HYKK: variants seen among roughly 807,000 people sequenced by gnomAD.
HYKK encodes hydroxylysine kinase.
Under a neutral mutation model 29.7 loss-of-function variants are expected in HYKK, and 19 were observed. The ratio of observed to expected loss-of-function variants is 0.64; its 90% confidence interval spans 0.45 to 0.94. The LOEUF (loss-of-function observed/expected upper bound fraction) is 0.94, where lower values mean the gene tolerates loss of function less well. Among genes scored for constraint, HYKK ranks in the 40% least tolerant of loss-of-function variants. The pLI, the probability that HYKK is intolerant of heterozygous loss-of-function variation, is 0.00. For missense variants in HYKK, 390 were observed against 443.4 expected (o/e 0.88, Z 1.08); for synonymous variants, 152 against 158.1 (o/e 0.96, Z 0.29).
At chr15:78,525,205 G>A (rs1370878816) in intron 3 of HYKK, among the ~76,000 whole-genome samples, 5 of 150,230 alleles carry the variant, frequency 3.3e-5, no homozygotes, top group East Asian at 2.0e-4. Flanking sequence ...GCCCAGGCTG[G>A]AGTGCAGTGG....
At chr15:78,525,289 G>A (rs1400557732) in intron 3 of HYKK, among the ~76,000 whole-genome samples, 2 of 151,316 alleles carry the variant, frequency 1.3e-5, no homozygotes, top group African/African-American at 2.4e-5. Context: ...CCAAGTAGCT[G>A]GGACTACAGG....
rs962227287 is a variant in HYKK, at chr15:78,534,217, A to C, written c.*547A>C. On this transcript the variant is annotated 3_prime_UTR_variant, in exon 5 of 5. Transcript: ENST00000388988. ...GAGCTACTGAGGGCGGAGACCATGTAAAACTTATTTTTGTCTCCTCAGCCC... is the reference window on the plus strand; with the variant it reads ...GAGCTACTGAGGGCGGAGACCATGTCAAACTTATTTTTGTCTCCTCAGCCC... The C allele has an allele frequency of 1.3e-5, 2 of 150,972 alleles. No individual in the cohort carries two copies. The highest frequency in any genetic ancestry group is 2.1e-4 in the South Asian group (1 of 4,782). The allele number at this position is 150,972 out of a possible 1,614,324, so 9.4% of individuals were successfully genotyped here.
intron 3 of HYKK, among the ~76,000 whole-genome samples, chr15:78,516,482 A>T (rs1020585815): frequency 6.6e-6 from 1 of 151,288 alleles, no homozygotes; most frequent in Non-Finnish European, 1.5e-5. Flanking sequence ...GGTAGCTGGG[A>T]CTACAGGCGT....
At chr15:78,522,070 A>C (rs2052202950) in intron 3 of HYKK, among the ~76,000 whole-genome samples, 1 of 150,968 alleles carries the variant, frequency 6.6e-6, no homozygotes, top group Non-Finnish European at 1.5e-5. Context: ...ACAGCCTCCC[A>C]ACTAGTTGGT....
intron 1 of HYKK, among the ~76,000 whole-genome samples, chr15:78,509,651 T>C (rs1007255788): frequency 6.6e-6 from 1 of 152,190 alleles, no homozygotes; most frequent in African/African-American, 2.4e-5. Flanking sequence ...TCAGTCCATA[T>C]TGCATTTTGA....
intron 1 of HYKK, among the ~76,000 whole-genome samples, chr15:78,508,859 C>T (rs1190442009): frequency 7.9e-6 from 1 of 127,318 alleles, no homozygotes; most frequent in African/African-American, 3.0e-5. Context: ...GCCTGGGCAA[C>T]ATAGTGGGAC....
intron 1 of HYKK, among the ~76,000 whole-genome samples, chr15:78,507,893 A>G (rs1322667829): frequency 2.6e-5 from 4 of 152,192 alleles, no homozygotes; most frequent in Non-Finnish European, 5.9e-5. Context: ...CTGGGCCCCC[A>G]GAATGAAAGC....
At chr15:78,537,238 G>A (rs2052370358), downstream of HYKK, 1 of 524,314 alleles carries the variant, frequency 1.9e-6, no homozygotes, top group Non-Finnish European at 3.6e-6. Context: ...CCATTGATTC[G>A]GTTTCTCTGG....
chr15:78,534,240 C>T lies in HYKK; in HGVS notation c.*570C>T, dbSNP rs1007843280. 6 of 145,260 alleles carry T rather than the reference C, an allele frequency of 4.1e-5. No homozygotes were observed. Among genetic ancestry groups the T allele is most frequent in the African/African-American group, 1.5e-4 (6 of 40,546 alleles). 9.0% of individuals were successfully genotyped at this position (145,260 alleles called of 1,614,324 possible). On this transcript the variant is annotated 3_prime_UTR_variant, in exon 5 of 5. Coordinates refer to ENST00000388988, the MANE Select transcript of HYKK (RefSeq NM_001013619.4). ...GTAAAACTTATTTTTGTCTCCTCAG[C>T]CCTTCTTTTTTTTTTTTTTTTTTTT...
rs537653697 is a variant in HYKK at position 78,515,320 on chromosome 15, G to A, written c.477+213G>A. 4.6e-5 allele frequency among the ~76,000 whole-genome samples: 7 copies of A among 152,168 alleles called. No individual in the cohort carries two copies. In the South Asian group the frequency reaches 1.5e-3, roughly 32 times the overall value. ...GTGTAGGCCAGGTGTTGTGGCCCAC[G>A]CCTGTAATCCCAGCGCTTTGGGAGG... On this transcript the variant is annotated intron_variant, in intron 3 of 4. Coordinates refer to ENST00000388988, the MANE Select transcript of HYKK (RefSeq NM_001013619.4).
At chr15:78,515,690 G>A (rs903300295) in intron 3 of HYKK, among the ~76,000 whole-genome samples, 18 of 150,664 alleles carry the variant, frequency 1.2e-4, no homozygotes, top group Admixed American at 2.7e-4. Context: ...CCAGATTCAC[G>A]CCATTCTTCT....
At chr15:78,518,568 G>GT (rs1221221115) in intron 3 of HYKK, 7 of 456,010 alleles carry the variant, frequency 1.5e-5, no homozygotes, top group Non-Finnish European at 2.6e-5. Flanking sequence ...TTTGTCCACT[G>GT]TTTTTGCTTT....
intron 3 of HYKK, among the ~76,000 whole-genome samples, chr15:78,520,220 C>CTTTA (rs3053621): frequency 0.099 from 14,939 of 150,640 alleles, 916 homozygotes; most frequent in African/African-American, 0.17. Context: ...GAGCTGAGTT[C>CTTTA]TTTATTTATT....
chr15:78,529,256 T>C (rs1472165402), intron 4 of HYKK, among the ~76,000 whole-genome samples: 3 of 152,244 alleles, frequency 2.0e-5, no homozygotes, highest in Admixed American at 2.0e-4. Context: ...TGGTTAACTT[T>C]TATAACTCTA....
At chr15:78,521,871 C>T (rs367634053) in intron 3 of HYKK, among the ~76,000 whole-genome samples, 2 of 152,066 alleles carry the variant, frequency 1.3e-5, no homozygotes, top group Non-Finnish European at 1.5e-5. Flanking sequence ...TCTATGGCTG[C>T]GTGGGTCAAT....
At position 78,535,075 on chromosome 15, in the gene HYKK, G is replaced by A. The variant is rs967825004; in HGVS notation, c.*1405G>A. The A allele has an allele frequency of 6.6e-6, 1 of 151,868 alleles. No individual in the cohort carries two copies. Among genetic ancestry groups the A allele is most frequent in the Non-Finnish European group, 1.5e-5 (1 of 68,004 alleles). The allele number at this position is 151,868 out of a possible 1,614,324, so 9.4% of individuals were successfully genotyped here. A position where few individuals can be genotyped will look rare whatever the true frequency, so the allele number is the denominator to read the frequency against. ...ATTCTTATGATTTCAACTATTCATTGTCTACAGATGACTCAAGTCTAGAAC... is the reference window on the plus strand; with the variant it reads ...ATTCTTATGATTTCAACTATTCATTATCTACAGATGACTCAAGTCTAGAAC... On this transcript the variant is annotated 3_prime_UTR_variant, in exon 5 of 5. Transcript: ENST00000388988.
At chr15:78,526,513 A>G (rs1014246605) in intron 3 of HYKK, among the ~76,000 whole-genome samples, 3 of 152,226 alleles carry the variant, frequency 2.0e-5, no homozygotes, top group African/African-American at 7.2e-5. Context: ...AACCATGTGG[A>G]TATCTGGTGA....
chr15:78,513,214 C>A lies in HYKK; in HGVS notation c.126C>A (p.Ser42Arg). The change falls in exon 2 of 5, where the codon AGC (serine) becomes AGA (arginine). Residue 42 changes from serine to arginine, a missense_variant. Physicochemically the swap from Ser to Arg is moderately radical, Grantham distance 110. Coordinates refer to ENST00000388988, the MANE Select transcript of HYKK (RefSeq NM_001013619.4). ...TTTCCAAGGTCCGGCCACTTCCTAGCTATGATGACCAAAACTTTCATGTCT... is the reference window on the plus strand; with the variant it reads ...TTTCCAAGGTCCGGCCACTTCCTAGATATGATGACCAAAACTTTCATGTCT... ...LKVSKVRPLP[S>R]YDDQNFHVYV... The A allele has an allele frequency of 6.2e-7, 1 of 1,614,160 alleles. No individual in the cohort carries two copies. Among genetic ancestry groups the A allele is most frequent in the Non-Finnish European group, 8.5e-7 (1 of 1,180,002 alleles).
intron 3 of HYKK, among the ~76,000 whole-genome samples, chr15:78,524,813 A>C (rs1447711198): frequency 1.3e-5 from 2 of 152,016 alleles, no homozygotes; most frequent in Non-Finnish European, 2.9e-5. Context: ...TGCCTCAAAA[A>C]CAAACAAACA....
Sources: gnomAD v4.1 joint callset for allele counts (sites outside exome capture counted in the v4.1 genomes callset) on GRCh38, gnomAD v4.1.1 for gene constraint, MANE v1.5 for transcripts, NCBI Gene and HGNC (gene_info 2026-07-23, HGNC 2026-07-21) for gene names.